Variants in DTNB observed in about 807,000 individuals in gnomAD.
DTNB encodes the protein dystrobrevin beta, also known as DTN-B.
DTNB carries 63 observed loss-of-function variants against 90.7 expected under a neutral mutation model. The observed-to-expected ratio is 0.69, with a 90% confidence interval of 0.57 to 0.86. DTNB has a LOEUF of 0.86. Among genes scored for constraint, DTNB ranks in the 40% least tolerant of loss-of-function variants. DTNB has a pLI of 0.00. For synonymous variants in DTNB, 277 were observed against 286.7 expected (o/e 0.97, Z 0.34); for missense variants, 744 against 807.1 (o/e 0.92, Z 0.95).
chr2:25,391,580 AAGAC>A (rs144818152), intron 16 of DTNB, among the ~76,000 whole-genome samples: 187 of 152,322 alleles, frequency 1.2e-3, no homozygotes, highest in African/African-American at 4.2e-3. Flanking sequence ...TATAATAAAA[AAGAC>A]AGGTAATAAC....
At chr2:25,473,493 T>G (rs1190087487) in intron 10 of DTNB, among the ~76,000 whole-genome samples, 1 of 152,186 alleles carries the variant, frequency 6.6e-6, no homozygotes, top group African/African-American at 2.4e-5. Flanking sequence ...TGTGTTCATG[T>G]GTGTATCAGA....
intron 9 of DTNB, among the ~76,000 whole-genome samples, chr2:25,514,681 C>CTTTTTTT (rs560287104): frequency 1.0e-5 from 1 of 98,862 alleles, no homozygotes; most frequent in African/African-American, 4.3e-5. Context: ...TGAAAAAAAT[C>CTTTTTTT]TTTTTTTTTT....
chr2:25,387,225 A>G lies in DTNB; in HGVS notation c.1825+64T>C. 1 of 1,520,256 alleles carries G rather than the reference A, an allele frequency of 6.6e-7. No individual in the cohort carries two copies. The highest frequency in any genetic ancestry group is 9.0e-7 in the Non-Finnish European group (1 of 1,107,886). The allele number at this position is 1,520,256 out of a possible 1,614,324, so 94.2% of individuals were successfully genotyped here. ...TGAGGTTCTGCCGGTGCTGGCAAGG[A>G]AGTGAGAAGGGCGCGGGCAAGGCAG... On this transcript the variant is annotated intron_variant, in intron 18 of 20. Transcript: ENST00000406818. This position sits in a 1 kb window ranked among gnomAD's most constrained non-coding sequence, Gnocchi z 4.5.
Position 25,383,862 on chromosome 2 carries a change from T to C in DTNB, c.1853A>G (p.Glu618Gly). The change falls in exon 19 of 21, where the codon GAG (glutamate) becomes GGG (glycine). Residue 618 changes from glutamate (E) to glycine (G), a missense_variant. Coordinates refer to ENST00000406818, the MANE Select transcript of DTNB (RefSeq NM_021907.5). The stretch of plus-strand genomic sequence containing the variant: ...TCTGTCTTTCCCATTCTGCATCTTC[T>C]CTTCTTCTTCCTCTGCACCTTCCTC... ...SAEEGAEEEE[E>G]KMQNGKDRG 6.2e-7 allele frequency: 1 copy of C among 1,613,914 alleles called. No homozygotes were observed. The highest frequency in any genetic ancestry group is 8.5e-7 in the Non-Finnish European group (1 of 1,179,874).
chr2:25,478,361 A>G (rs901060418), intron 10 of DTNB, among the ~76,000 whole-genome samples: 1 of 152,140 alleles, frequency 6.6e-6, no homozygotes, highest in Non-Finnish European at 1.5e-5. Context: ...GCAGTTGTAC[A>G]TGGATGGCTG....
chr2:25,619,220 G>A (rs944546587), intron 4 of DTNB, among the ~76,000 whole-genome samples: 1 of 152,018 alleles, frequency 6.6e-6, no homozygotes, highest in Non-Finnish European at 1.5e-5. Flanking sequence ...AAATGATTGT[G>A]GATGCTGCCA....
chr2:25,603,930 A>C (rs1257698760), intron 5 of DTNB, among the ~76,000 whole-genome samples: 2 of 152,216 alleles, frequency 1.3e-5, no homozygotes, highest in Non-Finnish European at 2.9e-5. Context: ...TGAGAACCAG[A>C]AAACAAGGAG....
intron 2 of DTNB, chr2:25,639,364 G>A: frequency 3.5e-6 from 1 of 286,368 alleles, no homozygotes; most frequent in Non-Finnish European, 6.6e-6. Context: ...TGAGGTGAGT[G>A]AGTGAACTAT....
chr2:25,400,895 G>A (rs2043554406), intron 16 of DTNB, among the ~76,000 whole-genome samples: 1 of 152,182 alleles, frequency 6.6e-6, no homozygotes, highest in Non-Finnish European at 1.5e-5. Flanking sequence ...ATTACAATCT[G>A]ATAAGCTCTC....
intron 8 of DTNB, among the ~76,000 whole-genome samples, chr2:25,569,304 A>C (rs2059484196): frequency 6.6e-6 from 1 of 152,212 alleles, no homozygotes; most frequent in African/African-American, 2.4e-5. Context: ...GAGTCACTGG[A>C]ACACCACAGT....
At chr2:25,613,185 G>T (rs2069125188) in intron 4 of DTNB, among the ~76,000 whole-genome samples, 1 of 152,106 alleles carries the variant, frequency 6.6e-6, no homozygotes, top group African/African-American at 2.4e-5. Flanking sequence ...CTAAACTCAA[G>T]TGGTCCTCCT....
intron 12 of DTNB, among the ~76,000 whole-genome samples, chr2:25,439,862 TAA>T (rs1473799409): frequency 6.6e-6 from 1 of 152,228 alleles, no homozygotes; most frequent in Non-Finnish European, 1.5e-5. Flanking sequence ...AAATTGTATC[TAA>T]TAAACTTATT....
intron 16 of DTNB, chr2:25,399,364 T>C (rs867755148): frequency 6.7e-6 from 1 of 149,630 alleles, no homozygotes; most frequent in Non-Finnish European, 1.5e-5. Flanking sequence ...TTTTTTTTTT[T>C]AGACAGGATC....
At chr2:25,600,257 T>A (rs2065588233) in intron 5 of DTNB, among the ~76,000 whole-genome samples, 1 of 152,252 alleles carries the variant, frequency 6.6e-6, no homozygotes, top group African/African-American at 2.4e-5. Flanking sequence ...CTGCTGGGAA[T>A]GACTATGTGC....
chr2:25,621,322 T>C (rs988438017), intron 4 of DTNB, among the ~76,000 whole-genome samples: 3 of 152,360 alleles, frequency 2.0e-5, no homozygotes, highest in Non-Finnish European at 4.4e-5. Flanking sequence ...GGAAGACATT[T>C]GCTTTTATTT....
intron 8 of DTNB, among the ~76,000 whole-genome samples, chr2:25,573,877 C>A (rs1301566661): frequency 6.6e-6 from 1 of 152,194 alleles, no homozygotes; most frequent in Non-Finnish European, 1.5e-5. Flanking sequence ...TATCATGCCT[C>A]CATCACAGTC....
intron 9 of DTNB, among the ~76,000 whole-genome samples, chr2:25,521,376 T>C (rs1463249095): frequency 6.6e-6 from 1 of 151,088 alleles, no homozygotes; most frequent in South Asian, 2.1e-4. Context: ...AGTATGGCTG[T>C]GTCCCAATAA....
chr2:25,586,298 G>A (rs2062390958), intron 6 of DTNB, among the ~76,000 whole-genome samples: 1 of 151,638 alleles, frequency 6.6e-6, no homozygotes, highest in Non-Finnish European at 1.5e-5. Flanking sequence ...ATCACTTGAG[G>A]TCAGGAGTTT....
In DTNB at chr2:25,652,589, C is replaced by T. The variant is rs1030526977; in HGVS notation, c.67+5G>A. ...CGCACATATGAACAAGGACTCAAGACTCACGCATTTCTATGAACAGCTGCC... is the reference window on the plus strand; with the variant it reads ...CGCACATATGAACAAGGACTCAAGATTCACGCATTTCTATGAACAGCTGCC... On this transcript the variant is annotated splice_donor_5th_base_variant and intron_variant, in intron 2 of 20. Transcript: ENST00000406818. 1.9e-6 allele frequency: 3 copies of T among 1,606,498 alleles called. No homozygotes were observed. The African/African-American group carries it at 4.0e-5, about 22-fold the overall frequency.
Sources: gnomAD v4.1 joint callset for allele counts (sites outside exome capture counted in the v4.1 genomes callset) on GRCh38, gnomAD v4.1.1 for gene constraint, Gnocchi (gnomAD v3.1) non-coding constraint, MANE v1.5 for transcripts, NCBI Gene and HGNC (gene_info 2026-07-23, HGNC 2026-07-21) for gene names.